ZNF148: variants seen among roughly 807,000 people sequenced by gnomAD.
ZNF148 encodes the protein zinc finger protein 148.
A neutral mutation model predicts 67.7 loss-of-function variants in ZNF148; 7 were observed. The ratio of observed to expected loss-of-function variants is 0.10; its 90% CI spans 0.06 to 0.19. The LOEUF (loss-of-function observed/expected upper bound fraction) is 0.19, where lower values mean the gene tolerates loss of function less well. ZNF148 is among the 10% of genes least tolerant of loss of function. ZNF148 has a pLI of 1.00. For synonymous variants in ZNF148, 333 were observed against 330.7 expected (o/e 1.01, Z -0.08); for missense variants, 583 against 947.1 (o/e 0.62, Z 5.05).
At position 125,373,003 on chromosome 3, in the gene ZNF148, T is replaced by G. The variant is rs994471410; in HGVS notation, c.-234+2099A>C. 4.6e-5 allele frequency among the ~76,000 whole-genome samples: 7 copies of G among 151,782 alleles called. No individual in the cohort carries two copies. The South Asian group carries it at 1.3e-3, about 27-fold the overall frequency. On this transcript the variant is annotated intron_variant, in intron 1 of 8. Coordinates refer to ENST00000360647, the MANE Select transcript of ZNF148 (RefSeq NM_021964.3). ...TAAATAAAAATTTTTTTAAAAAGGGTAGAAAGACAATAATGACATATTTAA... is the reference window on the plus strand; with the variant it reads ...TAAATAAAAATTTTTTTAAAAAGGGGAGAAAGACAATAATGACATATTTAA...
chr3:125,230,373 A>T lies in ZNF148; in HGVS notation c.*1968T>A, dbSNP rs1223475311. ...ACAACACAACACACACAATCTTAAG[A>T]GTCAATAATGGCAGAACTTAAATAT... On this transcript the variant is annotated 3_prime_UTR_variant, in exon 9 of 9. Coordinates refer to ENST00000360647, the MANE Select transcript of ZNF148 (RefSeq NM_021964.3). The T allele has an allele frequency of 6.6e-6, 1 of 152,566 alleles. No homozygotes were observed. The highest frequency in any genetic ancestry group is 6.6e-5 in the Admixed American group (1 of 15,262). 9.5% of individuals were successfully genotyped at this position (152,566 alleles called of 1,614,324 possible).
At chr3:125,308,368 A>C (rs1399992587) in intron 4 of ZNF148, among the ~76,000 whole-genome samples, 2 of 152,174 alleles carry the variant, frequency 1.3e-5, no homozygotes, top group Non-Finnish European at 2.9e-5. Context: ...CTTTACACTG[A>C]AAACTACAGA....
intron 1 of ZNF148, among the ~76,000 whole-genome samples, chr3:125,343,660 G>C (rs1941826068): frequency 6.6e-6 from 1 of 152,102 alleles, no homozygotes; most frequent in Non-Finnish European, 1.5e-5. Flanking sequence ...CATGGGCAGG[G>C]ACAAATAAGG....
intron 1 of ZNF148, among the ~76,000 whole-genome samples, chr3:125,367,543 T>C (rs1001840599): frequency 2.0e-5 from 3 of 152,248 alleles, no homozygotes; most frequent in Non-Finnish European, 4.4e-5. Flanking sequence ...GTTAAGTCCT[T>C]TGTAGAAAAA....
At chr3:125,366,479 G>A (rs1559786288) in intron 1 of ZNF148, among the ~76,000 whole-genome samples, 3 of 151,940 alleles carry the variant, frequency 2.0e-5, no homozygotes, top group South Asian at 2.1e-4. Flanking sequence ...TTATTTTGTC[G>A]GTCATGAAAT....
intron 1 of ZNF148, 39 bp downstream of exon 1, chr3:125,375,063 C>G (rs1444653972): frequency 2.6e-5 from 4 of 151,732 alleles, no homozygotes; most frequent in African/African-American, 9.6e-5. Flanking sequence ...CCTCCCCCGC[C>G]CTCCCCCGGG....
At chr3:125,323,827 G>A (rs1181150527) in intron 2 of ZNF148, among the ~76,000 whole-genome samples, 1 of 152,094 alleles carries the variant, frequency 6.6e-6, no homozygotes, top group Non-Finnish European at 1.5e-5. Flanking sequence ...AGGCGTGGCA[G>A]CCGGCGCCTG....
chr3:125,322,357 T>C (rs749619886), intron 3 of ZNF148, among the ~76,000 whole-genome samples: 5 of 151,920 alleles, frequency 3.3e-5, no homozygotes, highest in Non-Finnish European at 5.9e-5. Context: ...CAAACCTTAA[T>C]GTGACAGATA....
intron 7 of ZNF148, among the ~76,000 whole-genome samples, chr3:125,245,963 C>G (rs1020267578): frequency 6.6e-6 from 1 of 152,206 alleles, no homozygotes; most frequent in Non-Finnish European, 1.5e-5. Flanking sequence ...CCTGTCTTCG[C>G]AATTCCCCAC....
intron 7 of ZNF148, among the ~76,000 whole-genome samples, chr3:125,242,018 G>C (rs544193511): frequency 9.2e-5 from 14 of 152,160 alleles, no homozygotes; most frequent in Non-Finnish European, 4.4e-5. Context: ...CTGTCTGCTC[G>C]TATCTTCCAC....
chr3:125,327,079 T>C (rs1335277995), intron 2 of ZNF148, among the ~76,000 whole-genome samples: 2 of 151,990 alleles, frequency 1.3e-5, no homozygotes, highest in African/African-American at 4.8e-5. Context: ...GGATATACTA[T>C]AGAAGCAGTA....
At chr3:125,322,241 T>C (rs1940813176) in intron 3 of ZNF148, among the ~76,000 whole-genome samples, 1 of 151,928 alleles carries the variant, frequency 6.6e-6, no homozygotes, top group Non-Finnish European at 1.5e-5. Flanking sequence ...TGAGCCAGGA[T>C]GGTCTCGATG....
Position 125,232,232 on chromosome 3 carries a change from T to C in ZNF148, c.*109A>G. On this transcript the variant is annotated 3_prime_UTR_variant, in exon 9 of 9. Transcript: ENST00000360647. The surrounding 1 kb of genome is among the most constrained non-coding windows in gnomAD (Gnocchi z 4.2). ...TGCTATTCATATCAGCTTAACTTGT[T>C]ATTACGCATTGCTCTTAAATCTGTA... The C allele has an allele frequency of 7.8e-7, 1 of 1,274,664 alleles. No homozygotes were observed. Among genetic ancestry groups the C allele is most frequent in the Non-Finnish European group, 1.1e-6 (1 of 952,228 alleles). The allele number at this position is 1,274,664 out of a possible 1,614,324, so 79.0% of individuals were successfully genotyped here. A position where few individuals can be genotyped will look rare whatever the true frequency, so the allele number is the denominator to read the frequency against.
intron 4 of ZNF148, among the ~76,000 whole-genome samples, chr3:125,307,105 T>C (rs1369152805): frequency 2.0e-5 from 3 of 148,252 alleles, no homozygotes; most frequent in Non-Finnish European, 1.5e-5. Context: ...AACATACAAA[T>C]GTTTAAATTA....
intron 3 of ZNF148, among the ~76,000 whole-genome samples, chr3:125,321,210 T>C (rs1940756704): frequency 6.6e-6 from 1 of 152,198 alleles, no homozygotes; most frequent in Non-Finnish European, 1.5e-5. Context: ...TTTAAAGTAC[T>C]ACTATTTCAA....
intron 5 of ZNF148, among the ~76,000 whole-genome samples, chr3:125,282,024 C>T (rs1938417512): frequency 6.6e-6 from 1 of 152,134 alleles, no homozygotes; most frequent in African/African-American, 2.4e-5. Context: ...GACCTGGCTG[C>T]CTGCTGTCCA....
chr3:125,358,595 C>T lies in ZNF148; in HGVS notation c.-234+16507G>A, dbSNP rs543861881. ...AAAAATCTGTTTCCTAGGCTCGTCCCCAAAACCTTGAAAATGACCTTTCCA... is the reference window on the plus strand; with the variant it reads ...AAAAATCTGTTTCCTAGGCTCGTCCTCAAAACCTTGAAAATGACCTTTCCA... On this transcript the variant is annotated intron_variant, in intron 1 of 8. Coordinates refer to ENST00000360647, the MANE Select transcript of ZNF148 (RefSeq NM_021964.3). 2.8e-3 allele frequency among the ~76,000 whole-genome samples: 423 copies of T among 152,328 alleles called. 3 individuals carry two copies. Among genetic ancestry groups the T allele is most frequent in the Middle Eastern group, 6.8e-3 (2 of 294 alleles).
chr3:125,267,351 A>G (rs544914022), intron 7 of ZNF148, among the ~76,000 whole-genome samples: 7 of 152,296 alleles, frequency 4.6e-5, no homozygotes, highest in Non-Finnish European at 7.4e-5. Context: ...ATCTAGGAGC[A>G]CACCAAAAAG....
rs190713797 is a variant in ZNF148, at chr3:125,318,990, C to T, written c.-17+4319G>A. ...TCCAGTTCCATTAAATTTCCCCTCC[C>T]TGCTCCCACTCCCAACCCCCCCACA... is the stretch of plus-strand genomic sequence containing the variant. On this transcript the variant is annotated intron_variant, in intron 3 of 8. Transcript: ENST00000360647. Among the ~76,000 whole-genome samples the T allele has an allele frequency of 2.8e-3, 425 of 152,238 alleles. 3 individuals carry two copies. Among genetic ancestry groups the T allele is most frequent in the Middle Eastern group, 6.8e-3 (2 of 294 alleles).
Sources: gnomAD v4.1 joint callset for allele counts (sites outside exome capture counted in the v4.1 genomes callset) on GRCh38, gnomAD v4.1.1 for gene constraint, Gnocchi (gnomAD v3.1) non-coding constraint, MANE v1.5 for transcripts, NCBI Gene and HGNC (gene_info 2026-07-23, HGNC 2026-07-21) for gene names.